The following FAT4 variants were observed in gnomAD, a reference collection of about 807,000 sequenced individuals.
The protein encoded by FAT4 is protocadherin Fat 4.
In FAT4, 84 loss-of-function variants were observed where a neutral mutation model predicts 303.9. The ratio of observed to expected loss-of-function variants is 0.28; its 90% CI spans 0.23 to 0.33. FAT4 has a LOEUF of 0.33. FAT4 is among the 10% of genes least tolerant of loss of function. FAT4 has a pLI of 1.00. For missense variants in FAT4, 6,005 were observed against 6,146.8 expected, an observed-to-expected ratio of 0.98 and a Z score of 0.77; for synonymous variants, 2,307 against 2,298.8, an observed-to-expected ratio of 1.00 and a Z score of -0.10.
Position 125,452,764 on chromosome 4 carries a change from G to C in FAT4, c.11754G>C (p.Gln3918His), listed in dbSNP as rs1726142945. Residue 3918 changes from glutamine to histidine, a missense_variant, in exon 10 of 18, where the codon CAG (glutamine) becomes CAC (histidine). Transcript: ENST00000394329. ...QSPCKNGAIC[Q>H]NFPGSFNCVC... ...CTTGCAAGAATGGTGCCATCTGCCA[G>C]AATTTTCCAGGAAGCTTCAACTGTG... 4 of 1,613,744 alleles carry C rather than the reference G, an allele frequency of 2.5e-6. No individual in the cohort carries two copies. The highest frequency in any genetic ancestry group is 3.4e-6 in the Non-Finnish European group (4 of 1,179,896).
chr4:125,430,823 A>G (rs1345603695), intron 7 of FAT4, among the ~76,000 whole-genome samples: 2 of 152,210 alleles, frequency 1.3e-5, no homozygotes, highest in African/African-American at 4.8e-5. Context: ...ATCATCTGCC[A>G]GTCTTGAGAA....
intron 2 of FAT4, among the ~76,000 whole-genome samples, chr4:125,339,401 T>A (rs929694933): frequency 2.6e-5 from 4 of 152,094 alleles, no homozygotes; most frequent in Non-Finnish European, 5.9e-5. Context: ...TTTCACCGTG[T>A]TAGCCAGGAT....
chr4:125,329,666 C>T (rs11721597), intron 2 of FAT4, among the ~76,000 whole-genome samples: 112 of 152,124 alleles, frequency 7.4e-4, no homozygotes, highest in Non-Finnish European at 1.5e-5. Flanking sequence ...TTTCTGAACC[C>T]TACATTCGTA....
Position 125,402,065 on chromosome 4 carries a change from T to G in FAT4, c.5307+3150T>G, listed in dbSNP as rs988777311. 2.0e-5 allele frequency among the ~76,000 whole-genome samples: 3 copies of G among 152,074 alleles called. No individual in the cohort carries two copies. The East Asian group carries it at 5.8e-4, about 29-fold the overall frequency. ...ACTCTTGGCCAGATATTTTCAGACA[T>G]TCACTAATATTATGAATTCACCACA... is the stretch of plus-strand genomic sequence containing the variant. On this transcript the variant is annotated intron_variant, in intron 3 of 17. Coordinates refer to ENST00000394329, the MANE Select transcript of FAT4 (RefSeq NM_001291303.3).
rs549798795 is a variant in FAT4 at position 125,442,352 on chromosome 4, A to G, written c.7200-3941A>G. On this transcript the variant is annotated intron_variant, in intron 8 of 17. Coordinates refer to ENST00000394329, the MANE Select transcript of FAT4 (RefSeq NM_001291303.3). ...TATCTTTCTGTCATAAAGGACATAA[A>G]CTTGAAACCAGGATTTTTTTTAACC... 3.9e-5 allele frequency among the ~76,000 whole-genome samples: 6 copies of G among 152,150 alleles called. No individual in the cohort carries two copies. In the South Asian group the frequency reaches 8.3e-4, roughly 21 times the overall value.
chr4:125,477,186 G>A lies in FAT4; in HGVS notation c.12331G>A (p.Val4111Ile). The A allele has an allele frequency of 6.9e-7, 1 of 1,450,728 alleles. No homozygotes were observed. Among genetic ancestry groups the A allele is most frequent in the South Asian group, 1.6e-5 (1 of 63,524 alleles). 89.9% of individuals were successfully genotyped at this position (1,450,728 alleles called of 1,614,324 possible). A position where few individuals can be genotyped will look rare whatever the true frequency, so the allele number is the denominator to read the frequency against. ...TGATGTTCAGCCAAATAGAGTTACA[G>A]TTGGAGGTATCAGATCTCTAGAACC... ...TLDVQPNRVT[V>I]GGIRSLEPIL... Residue 4111 changes from valine (V) to isoleucine (I), a missense_variant, in exon 14 of 18, where the codon GTT becomes ATT. By Grantham distance (29) the Val-to-Ile change is conservative. Coordinates refer to ENST00000394329, the MANE Select transcript of FAT4 (RefSeq NM_001291303.3).
chr4:125,317,075 G>A lies in FAT4; in HGVS notation c.664G>A (p.Val222Met). ...VTPQYQLLVE[V>M]EDKGEPKRRG... is the part of the protein sequence containing the mutation. ...TCCGCAGTACCAGCTCCTGGTTGAG[G>A]TGGAGGACAAGGGTGAGCCTAAGCG... Residue 222 changes from valine to methionine, a missense_variant, in exon 2 of 18, where the codon GTG (valine) becomes ATG (methionine). Physicochemically the swap from Val to Met is conservative, Grantham distance 21. Coordinates refer to ENST00000394329, the MANE Select transcript of FAT4 (RefSeq NM_001291303.3). The surrounding 1 kb of genome is among the most constrained non-coding windows in gnomAD (Gnocchi z 7.0). 6.2e-7 allele frequency: 1 copy of A among 1,614,044 alleles called. No individual in the cohort carries two copies. The highest frequency in any genetic ancestry group is 8.5e-7 in the Non-Finnish European group (1 of 1,180,030).
rs1306777975 is a variant in FAT4 at position 125,451,073 on chromosome 4, G to A, written c.10063G>A (p.Gly3355Arg). The A allele has an allele frequency of 6.2e-7, 1 of 1,613,922 alleles. No homozygotes were observed. The highest frequency in any genetic ancestry group is 1.3e-5 in the African/African-American group (1 of 74,890). ...GGGTTTCCAGATCAATAAGAAGACT[G>A]GACAGATTTATGTTTCTGGAATTCT... Reference protein sequence around the residue: ...KKGFQINKKTGQIYVSGILDR... With the variant: ...KKGFQINKKTRQIYVSGILDR... Residue 3355 changes from glycine (G) to arginine (R), a missense_variant, in exon 10 of 18, where the codon GGA becomes AGA. Gly to Arg is a moderately radical substitution (Grantham distance 125). Transcript: ENST00000394329.
chr4:125,467,892 C>T (rs6813101), intron 11 of FAT4, among the ~76,000 whole-genome samples: 34,814 of 152,048 alleles, frequency 0.23, 4,149 homozygotes, highest in Admixed American at 0.25. Flanking sequence ...GGGCCGCTTG[C>T]GGTAGCTCAT....
chr4:125,333,315 T>G (rs752082128), intron 2 of FAT4, among the ~76,000 whole-genome samples: 10 of 152,106 alleles, frequency 6.6e-5, no homozygotes, highest in Non-Finnish European at 1.2e-4. Flanking sequence ...ATAGAATTCG[T>G]CCCACAGATG....
intron 2 of FAT4, among the ~76,000 whole-genome samples, chr4:125,335,184 A>C (rs745732024): frequency 1.1e-4 from 17 of 152,178 alleles, no homozygotes; most frequent in Non-Finnish European, 2.2e-4. Context: ...TGTAGCTGAT[A>C]GAGGTGTCTA....
intron 2 of FAT4, among the ~76,000 whole-genome samples, chr4:125,350,810 G>C (rs1732193399): frequency 6.6e-6 from 1 of 151,576 alleles, no homozygotes; most frequent in African/African-American, 2.4e-5. Context: ...ATGTTACTAG[G>C]GATGGACACT....
At chr4:125,395,931 T>C (rs1399065544) in intron 2 of FAT4, among the ~76,000 whole-genome samples, 1 of 152,186 alleles carries the variant, frequency 6.6e-6, no homozygotes, top group Non-Finnish European at 1.5e-5. Flanking sequence ...TAGAGCACTA[T>C]GTAGTGATCC....
rs778948915 is a variant in FAT4, at chr4:125,452,487, G to A, written c.11477G>A (p.Ser3826Asn). ...AGCTGTCTACGAAGATTGGCTGTGAGCTCCGTATTAAAAAGCCGTGAGAGT... is the reference window on the plus strand; with the variant it reads ...AGCTGTCTACGAAGATTGGCTGTGAACTCCGTATTAAAAAGCCGTGAGAGT... Reference protein sequence around the residue: ...GGSCLRRLAVSSVLKSRESLP... With the variant: ...GGSCLRRLAVNSVLKSRESLP... The change falls in exon 10 of 18, where the codon AGC becomes AAC. Residue 3826 changes from serine (S) to asparagine (N), a missense_variant. By Grantham distance (46) the Ser-to-Asn change is conservative. Coordinates refer to ENST00000394329, the MANE Select transcript of FAT4 (RefSeq NM_001291303.3). 9.9e-5 allele frequency: 160 copies of A among 1,613,850 alleles called. No homozygotes were observed. Among genetic ancestry groups the A allele is most frequent in the Non-Finnish European group, 1.3e-4 (157 of 1,180,034 alleles).
At chr4:125,472,199 T>C (rs1156562429) in intron 12 of FAT4, among the ~76,000 whole-genome samples, 1 of 152,014 alleles carries the variant, frequency 6.6e-6, no homozygotes, top group South Asian at 2.1e-4. Flanking sequence ...TAAGTGCCCT[T>C]AAATCATTTT....
chr4:125,479,673 T>G, intron 14 of FAT4, 68 bp from the exon 15 acceptor site: 1 of 1,391,916 alleles, frequency 7.2e-7, no homozygotes, highest in Non-Finnish European at 9.6e-7. Context: ...TAAAAGTGTA[T>G]ATTGAGTTTT....
chr4:125,325,711 T>G (rs1221080320), intron 2 of FAT4, among the ~76,000 whole-genome samples: 8 of 152,272 alleles, frequency 5.3e-5, no homozygotes, highest in Non-Finnish European at 1.0e-4. Context: ...AATTAATACG[T>G]TTTTTGTTTT....
intron 12 of FAT4, among the ~76,000 whole-genome samples, chr4:125,474,275 A>G (rs1726956082): frequency 1.3e-5 from 2 of 152,036 alleles, no homozygotes; most frequent in Non-Finnish European, 1.5e-5. Context: ...TTTCTAGTTT[A>G]TGATACTTTT....
intron 2 of FAT4, among the ~76,000 whole-genome samples, chr4:125,389,626 C>T (rs1197634386): frequency 1.3e-5 from 2 of 152,106 alleles, no homozygotes; most frequent in Non-Finnish European, 2.9e-5. Flanking sequence ...TCCCATATAG[C>T]TCTGGCCAGT....
Sources: gnomAD v4.1 joint callset for allele counts (sites outside exome capture counted in the v4.1 genomes callset) on GRCh38, gnomAD v4.1.1 for gene constraint, Gnocchi (gnomAD v3.1) non-coding constraint, MANE v1.5 for transcripts, NCBI Gene and HGNC (gene_info 2026-07-23, HGNC 2026-07-21) for gene names.